The following TNXB variants were observed in gnomAD, a reference collection of about 807,000 sequenced individuals.
TNXB encodes the protein tenascin XB, also known as tenascin-X.
A neutral mutation model predicts 340.5 loss-of-function variants in TNXB; 183 were observed. The ratio of observed to expected loss-of-function variants is 0.54; its 90% CI spans 0.48 to 0.61. The LOEUF is 0.61. TNXB is among the 20% of genes least tolerant of loss of function. The pLI, the probability that TNXB is intolerant of heterozygous loss-of-function variation, is 0.00. For missense variants in TNXB, 4,613 were observed against 5,446.4 expected, an observed-to-expected ratio of 0.85 and a Z score of 4.82; for synonymous variants, 2,121 against 2,314.5, an observed-to-expected ratio of 0.92 and a Z score of 2.40.
chr6:32,100,603 T>C (rs1430437995), intron 1 of TNXB, among the ~76,000 whole-genome samples: 1 of 152,060 alleles, frequency 6.6e-6, no homozygotes, highest in Non-Finnish European at 1.5e-5. Context: ...GTGGTACACC[T>C]GTAGTCCCAG....
chr6:32,093,096 AT>A (rs1323780088), intron 4 of TNXB: 4 of 452,694 alleles, frequency 8.8e-6, no homozygotes, highest in Non-Finnish European at 1.6e-5. Context: ...AGCTCCTCTT[AT>A]CTCAAGTGTT....
intron 4 of TNXB, among the ~76,000 whole-genome samples, chr6:32,092,799 G>A (rs1031085147): frequency 6.6e-6 from 1 of 152,272 alleles, no homozygotes; most frequent in Admixed American, 6.5e-5. Flanking sequence ...CATGGTCTGA[G>A]GGTGGGTAGC....
Position 32,084,603 on chromosome 6 carries a change from G to C in TNXB, c.3255C>G (p.Pro1085=). The part of the protein sequence containing the change: ...SDSLLLRWTV[P]EGEFDSFVIQ... ...TCACGAAGGAGTCAAACTCGCCCTC[G>C]GGGACCGTCCAGCGCAGGAGCAAGG... is the stretch of plus-strand genomic sequence containing the variant. Residue 1085 remains proline, a synonymous_variant, in exon 8 of 44, where the codon CCC becomes CCG. Transcript: ENST00000644971. The surrounding 1 kb of genome is among the most constrained non-coding windows in gnomAD (Gnocchi z 5.5). The C allele has an allele frequency of 6.2e-7, 1 of 1,608,116 alleles. No individual in the cohort carries two copies. The highest frequency in any genetic ancestry group is 1.1e-5 in the South Asian group (1 of 90,018).
rs766586890 is a variant in TNXB, at chr6:32,068,718, A to G, written c.5903-11T>C. ...TCTCCTCCTCCGGGACTGGACAGAG[A>G]CATGGAAAGAGAGGACTGAGGTGGG... On this transcript the variant is annotated splice_polypyrimidine_tract_variant and intron_variant, in intron 16 of 43. Coordinates refer to ENST00000644971, the MANE Select transcript of TNXB (RefSeq NM_001365276.2). This position sits in a 1 kb window ranked among gnomAD's most constrained non-coding sequence, Gnocchi z 5.3. 4.3e-6 allele frequency: 7 copies of G among 1,610,272 alleles called. No homozygotes were observed. The highest frequency in any genetic ancestry group is 5.9e-6 in the Non-Finnish European group (7 of 1,177,192).
rs1780446124 is a variant in TNXB, at chr6:32,097,067, C to T, written c.786G>A (p.Gly262=). Residue 262 remains glycine (G), a synonymous_variant, in exon 3 of 44, where the codon GGG becomes GGA. Transcript: ENST00000644971. This position sits in a 1 kb window ranked among gnomAD's most constrained non-coding sequence, Gnocchi z 5.9. ...TGTAGCCTGGGTCACACACGCAGCG[C>T]CCACCCTCACAGCGTCCCCTCTGGC... The part of the protein sequence containing the change: ...GCSQRGRCEG[G]RCVCDPGYTG... 6.2e-7 allele frequency: 1 copy of T among 1,613,470 alleles called. No individual in the cohort carries two copies. The highest frequency in any genetic ancestry group is 8.5e-7 in the Non-Finnish European group (1 of 1,179,666).
At position 32,067,412 on chromosome 6, in the gene TNXB, G is replaced by A. The variant is rs1446417194; in HGVS notation, c.6544+249C>T. Among the ~76,000 whole-genome samples the A allele has an allele frequency of 2.0e-5, 3 of 152,256 alleles. No homozygotes were observed. Among genetic ancestry groups the A allele is most frequent in the Admixed American group, 6.5e-5 (1 of 15,298 alleles). ...TATGTATAGAGTTCCAAGGAAAAGC[G>A]GAGAGCCACAAACCAGCCAGTGAAT... On this transcript the variant is annotated intron_variant, in intron 18 of 43. Transcript: ENST00000644971. This position sits in a 1 kb window ranked among gnomAD's most constrained non-coding sequence, Gnocchi z 4.2.
rs961362857 is a variant in TNXB at position 32,084,343 on chromosome 6, A to G, written c.3445+70T>C. 30 of 1,438,532 alleles carry G rather than the reference A, an allele frequency of 2.1e-5. No homozygotes were observed. The highest frequency in any genetic ancestry group is 8.5e-5 in the African/African-American group (6 of 70,706). The allele number at this position is 1,438,532 out of a possible 1,614,324, so 89.1% of individuals were successfully genotyped here. A position where few individuals can be genotyped will look rare whatever the true frequency, so the allele number is the denominator to read the frequency against. The stretch of plus-strand genomic sequence containing the variant: ...GAAGCCTTCCCGGAGCTCCCAAAGC[A>G]GGTTCCCAAAGCACTGAGAAAACCT... On this transcript the variant is annotated intron_variant, in intron 8 of 43. Transcript: ENST00000644971. This position sits in a 1 kb window ranked among gnomAD's most constrained non-coding sequence, Gnocchi z 5.5.
Position 32,052,039 on chromosome 6 carries a change from C to A in TNXB, c.9115+631G>T, listed in dbSNP as rs1777309967. 6.6e-6 allele frequency among the ~76,000 whole-genome samples: 1 copy of A among 152,050 alleles called. No homozygotes were observed. Among genetic ancestry groups the A allele is most frequent in the African/African-American group, 2.4e-5 (1 of 41,360 alleles). ...TGTGAGTGGACTTCATGCTGGACTG[C>A]AAACTAGAAAGCGATTAGAATGGCG... is the stretch of plus-strand genomic sequence containing the variant. On this transcript the variant is annotated intron_variant, in intron 26 of 43. Coordinates refer to ENST00000644971, the MANE Select transcript of TNXB (RefSeq NM_001365276.2). This position sits in a 1 kb window ranked among gnomAD's most constrained non-coding sequence, Gnocchi z 4.7.
intron 1 of TNXB, among the ~76,000 whole-genome samples, chr6:32,098,453 G>GTT (rs199972163): frequency 6.7e-6 from 1 of 149,218 alleles, no homozygotes; most frequent in African/African-American, 2.5e-5. Context: ...CCCTACACTG[G>GTT]TTTTTTTGTT....
At position 32,061,102 on chromosome 6, in the gene TNXB, T is replaced by C. The variant is rs1777978891; in HGVS notation, c.7492+295A>G. Among the ~76,000 whole-genome samples the C allele has an allele frequency of 6.6e-6, 1 of 151,964 alleles. No homozygotes were observed. Among genetic ancestry groups the C allele is most frequent in the African/African-American group, 2.4e-5 (1 of 41,196 alleles). ...CTCTTGTGTGCATTTGTGTATGTGG[T>C]TATAACAAAGAATGCTGTTATTAAG... On this transcript the variant is annotated intron_variant, in intron 21 of 43. Transcript: ENST00000644971. The surrounding 1 kb of genome is among the most constrained non-coding windows in gnomAD (Gnocchi z 4.4).
chr6:32,079,014 G>T lies in TNXB; in HGVS notation c.4375+19C>A. The T allele has an allele frequency of 6.2e-7, 1 of 1,601,950 alleles. No individual in the cohort carries two copies. The highest frequency in any genetic ancestry group is 8.5e-7 in the Non-Finnish European group (1 of 1,174,634). On this transcript the variant is annotated intron_variant, in intron 11 of 43. Transcript: ENST00000644971. The surrounding 1 kb of genome is among the most constrained non-coding windows in gnomAD (Gnocchi z 7.1). Reference sequence around the variant, plus strand: ...CAGCAGTGGGAGGGAACCAAAGCAGGCCCCTGCCCCTCACTCACCTGTCAC... The same window carrying T: ...CAGCAGTGGGAGGGAACCAAAGCAGTCCCCTGCCCCTCACTCACCTGTCAC...
At chr6:32,057,925 T>C in intron 22 of TNXB, 133 bp downstream of exon 22, 1 of 1,160,232 alleles carries the variant, frequency 8.6e-7, no homozygotes, top group South Asian at 1.7e-5. Context: ...CTCCATGACA[T>C]GTCTTTCCAT....
At position 32,072,220 on chromosome 6, in the gene TNXB, T is replaced by A. The variant is rs757753814; in HGVS notation, c.4760A>T (p.Asp1587Val). Residue 1587 changes from aspartate (D) to valine (V), a missense_variant, in exon 13 of 44, where the codon GAT becomes GTT. Asp to Val is a radical substitution (Grantham distance 152). Coordinates refer to ENST00000644971, the MANE Select transcript of TNXB (RefSeq NM_001365276.2). This position sits in a 1 kb window ranked among gnomAD's most constrained non-coding sequence, Gnocchi z 4.4. ...GAGGCCCACAGAGTCAGGGGTTATATCCGTCACTGTCAGCTCCCCTAGGCG... is the reference window on the plus strand; with the variant it reads ...GAGGCCCACAGAGTCAGGGGTTATAACCGTCACTGTCAGCTCCCCTAGGCG... ...EPRLGELTVT[D>V]ITPDSVGLSW... is the part of the protein sequence containing the mutation. 1 of 1,611,308 alleles carries A rather than the reference T, an allele frequency of 6.2e-7. No individual in the cohort carries two copies. The highest frequency in any genetic ancestry group is 8.5e-7 in the Non-Finnish European group (1 of 1,179,036).
At chr6:32,059,915 C>T (rs1166665136) in intron 21 of TNXB, among the ~76,000 whole-genome samples, 1 of 151,994 alleles carries the variant, frequency 6.6e-6, no homozygotes, top group Admixed American at 6.5e-5. Flanking sequence ...CCAGGCATAA[C>T]AACCTGGCTG....
intron 22 of TNXB, among the ~76,000 whole-genome samples, chr6:32,057,295 G>A (rs1289402955): frequency 2.0e-5 from 3 of 152,158 alleles, no homozygotes; most frequent in African/African-American, 7.2e-5. Flanking sequence ...GCCAGAGCCT[G>A]GGGTGTGTTC....
At position 32,081,991 on chromosome 6, in the gene TNXB, G is replaced by A. The variant is rs1466216308; in HGVS notation, c.3736+45C>T. ...TTTGGGCTGAAGGGAAGTGTGCATG[G>A]GGCTGAGAAGGGGTCACATGGGGGC... On this transcript the variant is annotated intron_variant, in intron 9 of 43. Coordinates refer to ENST00000644971, the MANE Select transcript of TNXB (RefSeq NM_001365276.2). This position sits in a 1 kb window ranked among gnomAD's most constrained non-coding sequence, Gnocchi z 5.1. The A allele has an allele frequency of 6.4e-7, 1 of 1,555,892 alleles. No individual in the cohort carries two copies. Among genetic ancestry groups the A allele is most frequent in the Non-Finnish European group, 8.7e-7 (1 of 1,149,244 alleles).
chr6:32,076,860 T>C (rs960949421), intron 11 of TNXB, among the ~76,000 whole-genome samples: 8 of 151,970 alleles, frequency 5.3e-5, no homozygotes, highest in Admixed American at 1.3e-4. Context: ...TGGGCGCCTG[T>C]AATCCCAGCT....
Position 32,096,029 on chromosome 6 carries a change from C to G in TNXB, c.1824G>C (p.Trp608Cys). The G allele has an allele frequency of 1.2e-6, 2 of 1,613,152 alleles. No homozygotes were observed. Among genetic ancestry groups the G allele is most frequent in the Non-Finnish European group, 1.7e-6 (2 of 1,179,770 alleles). ...TGCAGTCCTCACTCACGTAGCCTTCCCAACAGATGCACACACCGTCCTGGC... is the reference window on the plus strand; with the variant it reads ...TGCAGTCCTCACTCACGTAGCCTTCGCAACAGATGCACACACCGTCCTGGC... ...GVCQDGVCIC[W>C]EGYVSEDCSI... is the part of the protein sequence containing the mutation. Residue 608 changes from tryptophan to cysteine, a missense_variant, in exon 3 of 44, where the codon TGG (tryptophan) becomes TGC (cysteine). Transcript: ENST00000644971.
In TNXB at chr6:32,058,372, T is replaced by C. The variant is rs1456270341; in HGVS notation, c.7511A>G (p.Asp2504Gly). Residue 2504 changes from aspartate to glycine, a missense_variant, in exon 22 of 44, where the codon GAC (aspartate) becomes GGC (glycine). Asp to Gly is a moderately conservative substitution (Grantham distance 94). Around this residue, in one of 7 missense-constraint regions of TNXB, gnomAD observed 4,327 missense variants for 4,859.4 expected, o/e 0.89. Coordinates refer to ENST00000644971, the MANE Select transcript of TNXB (RefSeq NM_001365276.2). The surrounding 1 kb of genome is among the most constrained non-coding windows in gnomAD (Gnocchi z 5.1). ...TGGTTCTGTAGGGCTGGGGGTCTCG[T>C]CCACATCCTCTTGTGGGGCTGAAAG... is the stretch of plus-strand genomic sequence containing the variant. The part of the protein sequence containing the change: ...VGVTAPQEDV[D>G]ETPSPTEPGT... The C allele has an allele frequency of 1.9e-6, 3 of 1,605,920 alleles. No homozygotes were observed. The highest frequency in any genetic ancestry group is 2.5e-6 in the Non-Finnish European group (3 of 1,176,606).
Sources: gnomAD v4.1 joint callset for allele counts (sites outside exome capture counted in the v4.1 genomes callset) on GRCh38, gnomAD v4.1.1 for gene constraint, gnomAD v4.1.1 regional missense constraint, Gnocchi (gnomAD v3.1) non-coding constraint, MANE v1.5 for transcripts, NCBI Gene and HGNC (gene_info 2026-07-23, HGNC 2026-07-21) for gene names.